Variants in HOXD13 observed in about 807,000 individuals in gnomAD.
HOXD13 encodes homeobox protein Hox-D13.
Under a neutral mutation model 27.3 loss-of-function variants are expected in HOXD13, and 16 were observed. The observed-to-expected ratio is 0.59, with a 90% CI of 0.40 to 0.89. The LOEUF (loss-of-function observed/expected upper bound fraction) is 0.89. HOXD13 is among the 40% of genes least tolerant of loss of function. The pLI is 0.00. For missense variants in HOXD13, 481 were observed against 482.6 expected, an observed-to-expected ratio of 1.00 and a Z score of 0.03; for synonymous variants, 241 against 219.0, an observed-to-expected ratio of 1.10 and a Z score of -0.89.
At chr2:176,089,190 T>C (rs543435071), upstream of HOXD13, among the ~76,000 whole-genome samples, 36 of 152,002 alleles carry the variant, frequency 2.4e-4, no homozygotes, top group Admixed American at 1.4e-3. Flanking sequence ...TTTTTCACAA[T>C]AGGTTTGGTT....
At chr2:176,091,488 G>A (rs1346873463), upstream of HOXD13, among the ~76,000 whole-genome samples, 1 of 152,126 alleles carries the variant, frequency 6.6e-6, no homozygotes, top group Non-Finnish European at 1.5e-5. Context: ...GAGCTCTGAG[G>A]CTGAGGAGCA....
At chr2:176,089,761 G>A (rs1689293402), upstream of HOXD13, among the ~76,000 whole-genome samples, 1 of 152,212 alleles carries the variant, frequency 6.6e-6, no homozygotes, top group Admixed American at 6.5e-5. Context: ...GGGACTTTGG[G>A]CACCATAGGG....
chr2:176,094,787 C>T lies in HOXD13; in HGVS notation c.*57C>T, dbSNP rs1267754565. 18 of 1,509,604 alleles carry T rather than the reference C, an allele frequency of 1.2e-5. No individual in the cohort carries two copies. In the Admixed American group the frequency reaches 2.7e-4, roughly 22 times the overall value. 93.5% of individuals were successfully genotyped at this position (1,509,604 alleles called of 1,614,324 possible). On this transcript the variant is annotated 3_prime_UTR_variant, in exon 2 of 2. Coordinates refer to ENST00000392539, the MANE Select transcript of HOXD13 (RefSeq NM_000523.4). The stretch of plus-strand genomic sequence containing the variant: ...AGCCATTCGGTTGTCTCCAAAAGGC[C>T]TTTGGAAAGACTTGAATATGTATTT...
In HOXD13 at chr2:176,094,828, C is replaced by A; in HGVS notation, c.*98C>A. ...ATATGTATTTAATTCCCCCCACCCC[C>A]TGCCAATGGTGGCAAATTTTGTGAA... On this transcript the variant is annotated 3_prime_UTR_variant, in exon 2 of 2. Transcript: ENST00000392539. 1 of 1,112,584 alleles carries A rather than the reference C, an allele frequency of 9.0e-7. No homozygotes were observed. Among genetic ancestry groups the A allele is most frequent in the Non-Finnish European group, 1.4e-6 (1 of 735,606 alleles). 68.9% of individuals were successfully genotyped at this position (1,112,584 alleles called of 1,614,324 possible).
chr2:176,092,217 G>A (rs1689330418), upstream of HOXD13, among the ~76,000 whole-genome samples: 1 of 152,176 alleles, frequency 6.6e-6, no homozygotes, highest in Admixed American at 6.5e-5. Flanking sequence ...CTCGGATTTG[G>A]GGTCTAGAAG....
upstream of HOXD13, among the ~76,000 whole-genome samples, chr2:176,089,276 A>G (rs1242217954): frequency 6.6e-6 from 1 of 152,166 alleles, no homozygotes; most frequent in Non-Finnish European, 1.5e-5. Context: ...TGGAGAGGGA[A>G]AATTAGCTCC....
Position 176,093,558 on chromosome 2 carries a change from A to C in HOXD13, c.668A>C (p.Tyr223Ser). 2.5e-6 allele frequency: 4 copies of C among 1,613,706 alleles called. No individual in the cohort carries two copies. The highest frequency in any genetic ancestry group is 3.4e-6 in the Non-Finnish European group (4 of 1,179,794). Reference protein sequence around the residue: ...FGSGEPRHEAYISMEGYQSWT... With the variant: ...FGSGEPRHEASISMEGYQSWT... Reference sequence around the variant, plus strand: ...TCCGGGGAGCCTCGGCACGAGGCCTACATCTCCATGGAGGGGTACCAGTCC... The same window carrying C: ...TCCGGGGAGCCTCGGCACGAGGCCTCCATCTCCATGGAGGGGTACCAGTCC... The change falls in exon 1 of 2, where the codon TAC becomes TCC. Residue 223 changes from tyrosine to serine, a missense_variant. Physicochemically the swap from Tyr to Ser is moderately radical, Grantham distance 144. Coordinates refer to ENST00000392539, the MANE Select transcript of HOXD13 (RefSeq NM_000523.4).
chr2:176,089,563 G>A (rs1240119552), upstream of HOXD13, among the ~76,000 whole-genome samples: 2 of 152,190 alleles, frequency 1.3e-5, no homozygotes, highest in Non-Finnish European at 2.9e-5. Flanking sequence ...GGCAAGCAGA[G>A]CAACTTCAAT....
rs1301927745 is a variant in HOXD13, at chr2:176,094,635, A to G, written c.937A>G (p.Thr313Ala). 1.2e-6 allele frequency: 2 copies of G among 1,613,958 alleles called. No individual in the cohort carries two copies. The highest frequency in any genetic ancestry group is 2.2e-5 in the East Asian group (1 of 44,896). The change falls in exon 2 of 2, where the codon ACG becomes GCG. Residue 313 changes from threonine (T) to alanine (A), a missense_variant. By Grantham distance (58) the Thr-to-Ala change is moderately conservative. Transcript: ENST00000392539. ...CAAGCGGCGGCGTATCTCGGCTGCT[A>G]CGAACCTATCTGAGAGACAAGTGAC... ...KDKRRRISAA[T>A]NLSERQVTIW... is the part of the protein sequence containing the mutation.
chr2:176,093,577 C>T lies in HOXD13; in HGVS notation c.687C>T (p.Tyr229=). 1.2e-6 allele frequency: 2 copies of T among 1,613,810 alleles called. No individual in the cohort carries two copies. Among genetic ancestry groups the T allele is most frequent in the Non-Finnish European group, 1.7e-6 (2 of 1,179,964 alleles). ...AGGCCTACATCTCCATGGAGGGGTA[C>T]CAGTCCTGGACGCTGGCTAACGGGT... The part of the protein sequence containing the change: ...RHEAYISMEG[Y]QSWTLANGWN... Residue 229 remains tyrosine (Y), a synonymous_variant, in exon 1 of 2, where the codon TAC becomes TAT. Transcript: ENST00000392539.
chr2:176,091,512 A>G (rs1392745682), upstream of HOXD13, among the ~76,000 whole-genome samples: 1 of 152,152 alleles, frequency 6.6e-6, no homozygotes, highest in African/African-American at 2.4e-5. Context: ...GAAAGGGATG[A>G]TGAGGGACAG....
chr2:176,093,477 A>C lies in HOXD13; in HGVS notation c.587A>C (p.Tyr196Ser), dbSNP rs2105379009. The change falls in exon 1 of 2, where the codon TAT becomes TCT. Residue 196 changes from tyrosine (Y) to serine (S), a missense_variant. Coordinates refer to ENST00000392539, the MANE Select transcript of HOXD13 (RefSeq NM_000523.4). ...AAGGAGGTATCCTTCTACCAGGGCT[A>C]TACGAGCCCTTACCAGCACGTGCCC... ...RAKEVSFYQG[Y>S]TSPYQHVPGY... The C allele has an allele frequency of 1.2e-6, 2 of 1,614,038 alleles. No individual in the cohort carries two copies. Among genetic ancestry groups the C allele is most frequent in the Non-Finnish European group, 1.7e-6 (2 of 1,179,994 alleles).
At chr2:176,089,246 G>T (rs1466495029), upstream of HOXD13, among the ~76,000 whole-genome samples, 1 of 152,168 alleles carries the variant, frequency 6.6e-6, no homozygotes, top group African/African-American at 2.4e-5. Flanking sequence ...TCTCCAGGCT[G>T]AGTAAAACTG....
At chr2:176,091,232 C>T (rs536485297), upstream of HOXD13, among the ~76,000 whole-genome samples, 1 of 152,118 alleles carries the variant, frequency 6.6e-6, no homozygotes, top group Admixed American at 6.5e-5. Flanking sequence ...CATCTTTGGT[C>T]GGGGAACAGT....
upstream of HOXD13, among the ~76,000 whole-genome samples, chr2:176,088,078 G>C (rs1574940688): frequency 6.6e-6 from 1 of 152,384 alleles, no homozygotes; most frequent in East Asian, 1.9e-4. Context: ...CGGGCAATTG[G>C]GGCCGACAAC....
rs2105378920 is a variant in HOXD13 at position 176,093,441 on chromosome 2, C to T, written c.551C>T (p.Pro184Leu). The T allele has an allele frequency of 6.2e-7, 1 of 1,613,936 alleles. No individual in the cohort carries two copies. Among genetic ancestry groups the T allele is most frequent in the Non-Finnish European group, 8.5e-7 (1 of 1,180,012 alleles). ...AGCAGCGTACCGGCCAACGAGGTGC[C>T]AGCGCGAGCCAAGGAGGTATCCTTC... ...ASSSVPANEV[P>L]ARAKEVSFYQ... Residue 184 changes from proline to leucine, a missense_variant, in exon 1 of 2, where the codon CCA (proline) becomes CTA (leucine). Pro to Leu is a moderately conservative substitution (Grantham distance 98, BLOSUM62 -3). Transcript: ENST00000392539.
In HOXD13 at chr2:176,094,476, T is replaced by A; in HGVS notation, c.782-4T>A. On this transcript the variant is annotated splice_polypyrimidine_tract_variant and splice_region_variant and intron_variant, in intron 1 of 1. Coordinates refer to ENST00000392539, the MANE Select transcript of HOXD13 (RefSeq NM_000523.4). ...AATTTTTCTTGTGCTTTTGTTTGTA[T>A]CAGGGGATGTGGCTCTAAATCAGCC... is the stretch of plus-strand genomic sequence containing the variant. 1.2e-6 allele frequency: 2 copies of A among 1,614,110 alleles called. No individual in the cohort carries two copies.
Position 176,093,243 on chromosome 2 carries a change from C to T in HOXD13, c.353C>T (p.Ala118Val). The T allele has an allele frequency of 6.2e-7, 1 of 1,609,474 alleles. No individual in the cohort carries two copies. The highest frequency in any genetic ancestry group is 8.5e-7 in the Non-Finnish European group (1 of 1,179,148). Residue 118 changes from alanine to valine, a missense_variant, in exon 1 of 2, where the codon GCG (alanine) becomes GTG (valine). Transcript: ENST00000392539. Reference protein sequence around the residue: ...PAPTPAAAAAAPPSAPALGYG... With the variant: ...PAPTPAAAAAVPPSAPALGYG... ...CCCACGCCTGCAGCGGCCGCTGCAG[C>T]GCCCCCGAGCGCTCCAGCGCTGGGC... is the stretch of plus-strand genomic sequence containing the variant.
upstream of HOXD13, among the ~76,000 whole-genome samples, chr2:176,090,274 G>T (rs1308710395): frequency 6.6e-6 from 1 of 152,240 alleles, no homozygotes. Context: ...AAGGGGCAAA[G>T]CTCCTAATTC....
Sources: gnomAD v4.1 joint callset for allele counts (sites outside exome capture counted in the v4.1 genomes callset) on GRCh38, gnomAD v4.1.1 for gene constraint, MANE v1.5 for transcripts, NCBI Gene and HGNC (gene_info 2026-07-23, HGNC 2026-07-21) for gene names.